The following CLIP3 variants were observed in gnomAD, a reference collection of about 807,000 sequenced individuals.
CLIP3 encodes the protein CAP-Gly domain-containing linker protein 3.
CLIP3 carries 15 observed loss-of-function variants against 59.4 expected under a neutral mutation model. That is an observed-to-expected ratio of 0.25 (90% CI 0.17 to 0.39). CLIP3 has a LOEUF of 0.39. Among genes scored for constraint, CLIP3 ranks in the 10% least tolerant of loss-of-function variants. The pLI, the probability that CLIP3 is intolerant of heterozygous loss-of-function variation, is 1.00. For synonymous variants in CLIP3, 300 were observed against 321.6 expected, an observed-to-expected ratio of 0.93 and a Z score of 0.72; for missense variants, 495 against 765.7, an observed-to-expected ratio of 0.65 and a Z score of 4.17.
chr19:36,016,107 G>A lies in CLIP3; in HGVS notation c.*51C>T, dbSNP rs1968791042. On this transcript the variant is annotated 3_prime_UTR_variant, in exon 14 of 14. Coordinates refer to ENST00000360535, the MANE Select transcript of CLIP3 (RefSeq NM_015526.3). The surrounding 1 kb of genome is among the most constrained non-coding windows in gnomAD (Gnocchi z 4.1). Reference sequence around the variant, plus strand: ...CAGGGTGACTCAGGGCTCCTCGGGTGTCAGGAGATGCTAGTGGGGACTCTG... The same window carrying A: ...CAGGGTGACTCAGGGCTCCTCGGGTATCAGGAGATGCTAGTGGGGACTCTG... The A allele has an allele frequency of 6.3e-7, 1 of 1,596,500 alleles. No homozygotes were observed. Among genetic ancestry groups the A allele is most frequent in the Admixed American group, 1.7e-5 (1 of 59,716 alleles).
In CLIP3 at chr19:36,032,436, G is replaced by A. The variant is rs982144041; in HGVS notation, c.-58-21C>T. On this transcript the variant is annotated intron_variant, in intron 1 of 13. Coordinates refer to ENST00000360535, the MANE Select transcript of CLIP3 (RefSeq NM_015526.3). This position sits in a 1 kb window ranked among gnomAD's most constrained non-coding sequence, Gnocchi z 4.3. The stretch of plus-strand genomic sequence containing the variant: ...AAATCCTGGAGGCAGAGGTCAGCTG[G>A]AGAGGGTGCCCGGCAGGCTCCAGGG... 1.5e-6 allele frequency: 1 copy of A among 653,900 alleles called. No individual in the cohort carries two copies. Among genetic ancestry groups the A allele is most frequent in the Non-Finnish European group, 2.2e-6 (1 of 453,248 alleles). The allele number at this position is 653,900 out of a possible 1,614,324, so 40.5% of individuals were successfully genotyped here. A position where few individuals can be genotyped will look rare whatever the true frequency, so the allele number is the denominator to read the frequency against.
At chr19:36,017,524 G>A in intron 11 of CLIP3, 74 bp from the exon 12 acceptor site, 1 of 1,599,746 alleles carries the variant, frequency 6.3e-7, no homozygotes, top group Non-Finnish European at 8.6e-7. Context: ...GGGCCCCAGG[G>A]ATCTATGAGG....
In CLIP3 at chr19:36,015,985, G is replaced by T. The variant is rs1204954287; in HGVS notation, c.*173C>A. The T allele has an allele frequency of 4.4e-6, 3 of 680,984 alleles. No homozygotes were observed. The East Asian group carries it at 8.2e-5, about 19-fold the overall frequency. The allele number at this position is 680,984 out of a possible 1,614,324, so 42.2% of individuals were successfully genotyped here. A position where few individuals can be genotyped will look rare whatever the true frequency, so the allele number is the denominator to read the frequency against. ...GGTGACATGGGGTCTGTATTTGGGGGTTATTATGGGAGTATCTGTTAATAA... is the reference window on the plus strand; with the variant it reads ...GGTGACATGGGGTCTGTATTTGGGGTTTATTATGGGAGTATCTGTTAATAA... On this transcript the variant is annotated 3_prime_UTR_variant, in exon 14 of 14. Coordinates refer to ENST00000360535, the MANE Select transcript of CLIP3 (RefSeq NM_015526.3).
Position 36,031,084 on chromosome 19 carries a change from C to T in CLIP3, c.166+1108G>A, listed in dbSNP as rs570050718. Reference sequence around the variant, plus strand: ...TCACTCAGGCTGGAGTGTAGTGGCTCGATCTTGGGCAACCTCTGCCTCCCA... The same window carrying T: ...TCACTCAGGCTGGAGTGTAGTGGCTTGATCTTGGGCAACCTCTGCCTCCCA... On this transcript the variant is annotated intron_variant, in intron 2 of 13. Coordinates refer to ENST00000360535, the MANE Select transcript of CLIP3 (RefSeq NM_015526.3). 6.5e-5 allele frequency among the ~76,000 whole-genome samples: 8 copies of T among 122,390 alleles called. No homozygotes were observed. In the South Asian group the frequency reaches 1.3e-3, roughly 20 times the overall value. 80.3% of individuals were successfully genotyped at this position (122,390 alleles called of 152,430 possible).
chr19:36,032,642 C>T lies in CLIP3; in HGVS notation c.-59+82G>A, dbSNP rs1258357272. 3.5e-6 allele frequency: 1 copy of T among 284,550 alleles called. No homozygotes were observed. Among genetic ancestry groups the T allele is most frequent in the African/African-American group, 2.2e-5 (1 of 45,574 alleles). The allele number at this position is 284,550 out of a possible 1,614,324, so 17.6% of individuals were successfully genotyped here. ...CGTCAGGCCCCTCAGTCGCGGCTGC[C>T]CCCTCCCCGGGTTTGTTTATCTCGG... On this transcript the variant is annotated intron_variant, in intron 1 of 13. Coordinates refer to ENST00000360535, the MANE Select transcript of CLIP3 (RefSeq NM_015526.3). The surrounding 1 kb of genome is among the most constrained non-coding windows in gnomAD (Gnocchi z 4.3).
chr19:36,023,009 C>T (rs552567122), intron 7 of CLIP3, among the ~76,000 whole-genome samples: 7 of 152,048 alleles, frequency 4.6e-5, no homozygotes, highest in African/African-American at 1.7e-4. Context: ...GAGCTGAGAT[C>T]GCGCCACCGC....
intron 2 of CLIP3, among the ~76,000 whole-genome samples, chr19:36,031,895 C>G (rs1160492966): frequency 1.3e-5 from 2 of 152,322 alleles, no homozygotes; most frequent in East Asian, 3.9e-4. Context: ...TCTCTTGCCC[C>G]CTGCTGTGGC....
intron 9 of CLIP3, among the ~76,000 whole-genome samples, chr19:36,018,321 G>A (rs1255848977): frequency 6.6e-6 from 1 of 152,188 alleles, no homozygotes; most frequent in Non-Finnish European, 1.5e-5. Flanking sequence ...GCGCAGGCCT[G>A]TAATCCCAAC....
chr19:36,023,605 G>A lies in CLIP3; in HGVS notation c.918+791C>T, dbSNP rs1297118572. 2.8e-5 allele frequency among the ~76,000 whole-genome samples: 4 copies of A among 145,114 alleles called. No individual in the cohort carries two copies. In the Admixed American group the frequency reaches 2.8e-4, roughly 10 times the overall value. ...TTCAATAGAGGCAGGATCTCACTAT[G>A]TTGCCCAGGCTGGTCTCTAACAACT... On this transcript the variant is annotated intron_variant, in intron 7 of 13. Coordinates refer to ENST00000360535, the MANE Select transcript of CLIP3 (RefSeq NM_015526.3).
chr19:36,026,918 T>C lies in CLIP3; in HGVS notation c.400+34A>G, dbSNP rs1249287288. 2 of 1,526,664 alleles carry C rather than the reference T, an allele frequency of 1.3e-6. No individual in the cohort carries two copies. The highest frequency in any genetic ancestry group is 1.8e-6 in the Non-Finnish European group (2 of 1,140,808). The allele number at this position is 1,526,664 out of a possible 1,614,324, so 94.6% of individuals were successfully genotyped here. ...GTGTTGGGTCTGGGGGCCTAGGCTT[T>C]GGGGCTTATGACTTGGGGGTAGGGG... On this transcript the variant is annotated intron_variant, in intron 4 of 13. Transcript: ENST00000360535. The surrounding 1 kb of genome is among the most constrained non-coding windows in gnomAD (Gnocchi z 6.3).
Position 36,032,592 on chromosome 19 carries a change from C to G in CLIP3, c.-59+132G>C. On this transcript the variant is annotated intron_variant, in intron 1 of 13. Coordinates refer to ENST00000360535, the MANE Select transcript of CLIP3 (RefSeq NM_015526.3). This position sits in a 1 kb window ranked among gnomAD's most constrained non-coding sequence, Gnocchi z 4.3. ...CCAGCGCCTGCCACCTCCCCCAGGC[C>G]CAGCCCCCCATTCTTCTCCTCCCGC... 2.7e-6 allele frequency: 1 copy of G among 367,370 alleles called. No individual in the cohort carries two copies. Among genetic ancestry groups the G allele is most frequent in the African/African-American group, 2.1e-5 (1 of 47,868 alleles). The allele number at this position is 367,370 out of a possible 1,614,324, so 22.8% of individuals were successfully genotyped here. A position where few individuals can be genotyped will look rare whatever the true frequency, so the allele number is the denominator to read the frequency against.
chr19:36,025,169 G>T (rs1311423216), intron 6 of CLIP3, among the ~76,000 whole-genome samples: 1 of 152,126 alleles, frequency 6.6e-6, no homozygotes, highest in Non-Finnish European at 1.5e-5. Flanking sequence ...GTAATTGAGG[G>T]TGGGCCTGGG....
Position 36,032,388 on chromosome 19 carries a change from A to G in CLIP3, c.-31T>C, listed in dbSNP as rs1383162034. The stretch of plus-strand genomic sequence containing the variant: ...TCGGTGGCCCTCGGGGGGCGGGTGC[A>G]GAGTTGGGGGCAGCCTTCAGGCAAA... On this transcript the variant is annotated 5_prime_UTR_variant, in exon 2 of 14. Transcript: ENST00000360535. The surrounding 1 kb of genome is among the most constrained non-coding windows in gnomAD (Gnocchi z 4.3). The G allele has an allele frequency of 8.5e-7, 1 of 1,177,276 alleles. No individual in the cohort carries two copies. Among genetic ancestry groups the G allele is most frequent in the South Asian group, 4.2e-5 (1 of 23,806 alleles). 72.9% of individuals were successfully genotyped at this position (1,177,276 alleles called of 1,614,324 possible).
In CLIP3 at chr19:36,026,549, G is replaced by C; in HGVS notation, c.562+37C>G. 6.2e-7 allele frequency: 1 copy of C among 1,610,024 alleles called. No homozygotes were observed. Among genetic ancestry groups the C allele is most frequent in the Non-Finnish European group, 8.5e-7 (1 of 1,178,058 alleles). The stretch of plus-strand genomic sequence containing the variant: ...CTGGGTCTCCGCGTCCCTCACCCAG[G>C]TCCTTGCCCCCTCCCAGCCAGGGCT... On this transcript the variant is annotated intron_variant, in intron 5 of 13. Coordinates refer to ENST00000360535, the MANE Select transcript of CLIP3 (RefSeq NM_015526.3). The surrounding 1 kb of genome is among the most constrained non-coding windows in gnomAD (Gnocchi z 6.3).
rs758862238 is a variant in CLIP3 at position 36,026,791 on chromosome 19, A to G, written c.401-44T>C. On this transcript the variant is annotated intron_variant, in intron 4 of 13. Coordinates refer to ENST00000360535, the MANE Select transcript of CLIP3 (RefSeq NM_015526.3). This position sits in a 1 kb window ranked among gnomAD's most constrained non-coding sequence, Gnocchi z 6.3. ...CAGCTTGGAACCCCCATTCCAGAGC[A>G]TGGGCCCAGTGCACGGGGAGGACCC... is the stretch of plus-strand genomic sequence containing the variant. 3.2e-6 allele frequency: 5 copies of G among 1,579,006 alleles called. No homozygotes were observed. In the Admixed American group the frequency reaches 5.3e-5, roughly 17 times the overall value.
At position 36,015,840 on chromosome 19, in the gene CLIP3, T is replaced by G; in HGVS notation, c.*318A>C. ...TTCAAGAATGTTCTGTTGTAATGCA[T>G]TATGTGGAGAGGGTCACCATCATTT... On this transcript the variant is annotated 3_prime_UTR_variant, in exon 14 of 14. Transcript: ENST00000360535. The G allele has an allele frequency of 6.9e-6, 3 of 437,920 alleles. No homozygotes were observed. The highest frequency in any genetic ancestry group is 4.2e-6 in the Non-Finnish European group (1 of 236,080). The allele number at this position is 437,920 out of a possible 1,614,324, so 27.1% of individuals were successfully genotyped here. A position where few individuals can be genotyped will look rare whatever the true frequency, so the allele number is the denominator to read the frequency against.
Position 36,019,318 on chromosome 19 carries a change from A to C in CLIP3, c.919-12T>G. 6.2e-7 allele frequency: 1 copy of C among 1,606,234 alleles called. No individual in the cohort carries two copies. The highest frequency in any genetic ancestry group is 8.5e-7 in the Non-Finnish European group (1 of 1,178,208). ...CGCAGTGTGCCCGTCTGGGGAGAGA[A>C]GGGAGGCGATGGCTAAGGAAGGAAT... is the stretch of plus-strand genomic sequence containing the variant. On this transcript the variant is annotated splice_polypyrimidine_tract_variant and intron_variant, in intron 7 of 13. Coordinates refer to ENST00000360535, the MANE Select transcript of CLIP3 (RefSeq NM_015526.3).
chr19:36,031,504 G>A (rs1040757074), intron 2 of CLIP3, among the ~76,000 whole-genome samples: 3 of 152,106 alleles, frequency 2.0e-5, no homozygotes, highest in Admixed American at 1.3e-4. Flanking sequence ...GATAAATATC[G>A]CTCGGTCAAT....
chr19:36,031,004 T>C lies in CLIP3; in HGVS notation c.166+1188A>G, dbSNP rs1345073486. On this transcript the variant is annotated intron_variant, in intron 2 of 13. Coordinates refer to ENST00000360535, the MANE Select transcript of CLIP3 (RefSeq NM_015526.3). ...TTTCTTTTTCTTTTTTCTTTTTTTC[T>C]TTTCTTTTTTTTTTTTTTCTTTTTT... 3.9e-5 allele frequency among the ~76,000 whole-genome samples: 3 copies of C among 77,874 alleles called. No homozygotes were observed. In the East Asian group the frequency reaches 1.3e-3, roughly 34 times the overall value. 51.1% of individuals were successfully genotyped at this position (77,874 alleles called of 152,430 possible).
Sources: allele counts gnomAD v4.1 joint callset (sites outside exome capture counted in the v4.1 genomes callset), GRCh38; gene constraint gnomAD v4.1.1; non-coding constraint Gnocchi (gnomAD v3.1); transcripts MANE v1.5; gene names NCBI Gene and HGNC (gene_info 2026-07-23, HGNC 2026-07-21).